Variants in TNXB observed in about 807,000 individuals in gnomAD.
TNXB encodes tenascin XB, also known as tenascin-X.
A neutral mutation model predicts 340.5 loss-of-function variants in TNXB; 183 were observed. That is an observed-to-expected ratio of 0.54 (90% CI 0.48 to 0.61). The LOEUF is 0.61. Among genes scored for constraint, TNXB ranks in the 20% least tolerant of loss-of-function variants. The probability of loss-of-function intolerance (pLI) is 0.00; values close to 1 mark genes in which losing one functional copy is unlikely to be tolerated. For synonymous variants in TNXB, 2,121 were observed against 2,314.5 expected, an observed-to-expected ratio of 0.92 and a Z score of 2.40; for missense variants, 4,613 against 5,446.4, an observed-to-expected ratio of 0.85 and a Z score of 4.82.
In TNXB at chr6:32,061,778, T is replaced by C; in HGVS notation, c.7169-58A>G. On this transcript the variant is annotated intron_variant, in intron 20 of 43. Coordinates refer to ENST00000644971, the MANE Select transcript of TNXB (RefSeq NM_001365276.2). The surrounding 1 kb of genome is among the most constrained non-coding windows in gnomAD (Gnocchi z 4.4). ...GTCCCTGGGGGATGTGCTTACGTCG[T>C]GGGGAAAAGGAGGGAGAAGGCTATG... The C allele has an allele frequency of 1.3e-6, 2 of 1,578,320 alleles. No homozygotes were observed. Among genetic ancestry groups the C allele is most frequent in the Non-Finnish European group, 1.7e-6 (2 of 1,159,522 alleles).
chr6:32,068,457 G>A lies in TNXB; in HGVS notation c.6153C>T (p.Tyr2051=). ...CGTGGAAGCCGTACAGGTTCATCTTGTATTTATGGTCTGGCTCCAGGCCCG... is the reference window on the plus strand; with the variant it reads ...CGTGGAAGCCGTACAGGTTCATCTTATATTTATGGTCTGGCTCCAGGCCCG... ...TISGLEPDHK[Y]KMNLYGFHGG... The change falls in exon 17 of 44, where the codon TAC becomes TAT. Residue 2051 remains tyrosine, a synonymous_variant. Coordinates refer to ENST00000644971, the MANE Select transcript of TNXB (RefSeq NM_001365276.2). This position sits in a 1 kb window ranked among gnomAD's most constrained non-coding sequence, Gnocchi z 5.3. 1 of 1,613,928 alleles carries A rather than the reference G, an allele frequency of 6.2e-7. No individual in the cohort carries two copies. Among genetic ancestry groups the A allele is most frequent in the East Asian group, 2.2e-5 (1 of 44,890 alleles).
At chr6:32,066,323 G>A (rs546087135) in intron 18 of TNXB, among the ~76,000 whole-genome samples, 1 of 152,308 alleles carries the variant, frequency 6.6e-6, no homozygotes, top group Non-Finnish European at 1.5e-5. Context: ...GAGCCCAGGA[G>A]TCTGGGGCTG....
Position 32,069,726 on chromosome 6 carries a change from G to A in TNXB, c.5414C>T (p.Ser1805Phe). Reference sequence around the variant, plus strand: ...CCTGTCTTTGTACTGGACCACAAAGGAGTCAAACTGGCCCTCAGGGACTGT... The same window carrying A: ...CCTGTCTTTGTACTGGACCACAAAGAAGTCAAACTGGCCCTCAGGGACTGT... Reference protein sequence around the residue: ...SWTVPEGQFDSFVVQYKDRDG... With the variant: ...SWTVPEGQFDFFVVQYKDRDG... The change falls in exon 15 of 44, where the codon TCC becomes TTC. Residue 1805 changes from serine (S) to phenylalanine (F), a missense_variant. Ser to Phe is a radical substitution (Grantham distance 155, BLOSUM62 -2). Transcript: ENST00000644971. The surrounding 1 kb of genome is among the most constrained non-coding windows in gnomAD (Gnocchi z 6.2). The A allele has an allele frequency of 6.2e-7, 1 of 1,613,118 alleles. No homozygotes were observed. The highest frequency in any genetic ancestry group is 1.1e-5 in the South Asian group (1 of 90,982).
chr6:32,061,529 C>G lies in TNXB; in HGVS notation c.7360G>C (p.Val2454Leu). Residue 2454 changes from valine to leucine, a missense_variant, in exon 21 of 44, where the codon GTG (valine) becomes CTG (leucine). Coordinates refer to ENST00000644971, the MANE Select transcript of TNXB (RefSeq NM_001365276.2). This position sits in a 1 kb window ranked among gnomAD's most constrained non-coding sequence, Gnocchi z 4.4. ...CTCTCCTCGCCCCCAACACGCACCA[C>G]CTGGGGCCGCCCGTCCCTGTCCTTG... ...QYKDRDGRPQ[V>L]VRVGGEESEV... The G allele has an allele frequency of 6.2e-7, 1 of 1,613,656 alleles. No homozygotes were observed. The highest frequency in any genetic ancestry group is 8.5e-7 in the Non-Finnish European group (1 of 1,179,892).
At position 32,096,949 on chromosome 6, in the gene TNXB, TG is replaced by T. The variant is rs1347621864; in HGVS notation, c.903del (p.Tyr301Ter). On this transcript the variant is annotated frameshift_variant, in exon 3 of 44. Transcript: ENST00000644971. LOFTEE classifies it high-confidence loss of function. ...ENGRCVCNPGYTGEDCGVRSC... is the reference protein window; with the variant it reads ...ENGRCVCNPGXTGEDCGVRSC... ...CTCCTCACCCCACAGTCCTCGCCAGTGTAGCCGGGGTTACACACGCAGCGCC... is the reference window on the plus strand; with the variant it reads ...CTCCTCACCCCACAGTCCTCGCCAGTTAGCCGGGGTTACACACGCAGCGCC... The T allele has an allele frequency of 6.2e-7, 1 of 1,611,102 alleles. No homozygotes were observed. Among genetic ancestry groups the T allele is most frequent in the Non-Finnish European group, 8.5e-7 (1 of 1,178,866 alleles).
rs1356847277 is a variant in TNXB, at chr6:32,046,645, C to T, written c.10325-189G>A. On this transcript the variant is annotated intron_variant, in intron 30 of 43. Transcript: ENST00000644971. This position sits in a 1 kb window ranked among gnomAD's most constrained non-coding sequence, Gnocchi z 6.9. ...AATGAGGGAGAACAGCCCCCTCCTCCTCTGGAGGCTGCTGCCCAAACTCCT... is the reference window on the plus strand; with the variant it reads ...AATGAGGGAGAACAGCCCCCTCCTCTTCTGGAGGCTGCTGCCCAAACTCCT... 7.9e-6 allele frequency: 4 copies of T among 503,628 alleles called. No individual in the cohort carries two copies. The highest frequency in any genetic ancestry group is 3.3e-5 in the Admixed American group (1 of 30,660). The allele number at this position is 503,628 out of a possible 1,614,324, so 31.2% of individuals were successfully genotyped here.
At chr6:32,041,499 C>G (rs1351096870) in intron 43 of TNXB, 49 bp from the exon 44 acceptor site, 1 of 1,230,960 alleles carries the variant, frequency 8.1e-7, no homozygotes, top group East Asian at 2.5e-5. Context: ...GTCCCATCTG[C>G]TCTTCCCGTT....
At chr6:32,071,183 GA>G (rs1778749638) in intron 13 of TNXB, among the ~76,000 whole-genome samples, 1 of 152,214 alleles carries the variant, frequency 6.6e-6, no homozygotes, top group South Asian at 2.1e-4. Context: ...TGAACCCTCG[GA>G]AAGGGGCACA....
chr6:32,071,166 C>T (rs186121962), intron 13 of TNXB, among the ~76,000 whole-genome samples: 1 of 152,298 alleles, frequency 6.6e-6, no homozygotes, highest in East Asian at 1.9e-4. Flanking sequence ...CAGGGGAGGG[C>T]TTGGACTGAA....
Position 32,085,991 on chromosome 6 carries a change from C to A in TNXB, c.2907G>T (p.Leu969=). ...RPQELGELRV[L]GRDETGRLRV... is the part of the protein sequence containing the mutation. ...GGAGGCGCCCTGTCTCATCTCTGCC[C>A]AGCACCCTCAACTCTCCCAGCTCCT... Residue 969 remains leucine, a synonymous_variant, in exon 7 of 44, where the codon CTG becomes CTT. Coordinates refer to ENST00000644971, the MANE Select transcript of TNXB (RefSeq NM_001365276.2). This position sits in a 1 kb window ranked among gnomAD's most constrained non-coding sequence, Gnocchi z 6.4. 6.2e-7 allele frequency: 1 copy of A among 1,607,334 alleles called. No homozygotes were observed. The highest frequency in any genetic ancestry group is 8.5e-7 in the Non-Finnish European group (1 of 1,178,524).
At position 32,097,034 on chromosome 6, in the gene TNXB, G is replaced by T; in HGVS notation, c.819C>A (p.Asp273Glu). 3 of 1,607,058 alleles carry T rather than the reference G, an allele frequency of 1.9e-6. No individual in the cohort carries two copies. Among genetic ancestry groups the T allele is most frequent in the East Asian group, 2.2e-5 (1 of 44,596 alleles). The change falls in exon 3 of 44, where the codon GAC becomes GAA. Residue 273 changes from aspartate (D) to glutamate (E), a missense_variant. Physicochemically the swap from Asp to Glu is conservative, Grantham distance 45 (BLOSUM62 2). Coordinates refer to ENST00000644971, the MANE Select transcript of TNXB (RefSeq NM_001365276.2). The surrounding 1 kb of genome is among the most constrained non-coding windows in gnomAD (Gnocchi z 5.9). The stretch of plus-strand genomic sequence containing the variant: ...GAGGGCAGCTCCTCATGCCACAGTC[G>T]TCACCAGTGTAGCCTGGGTCACACA... ...RCVCDPGYTG[D>E]DCGMRSCPRG...
In TNXB at chr6:32,067,124, A is replaced by AAGG. The variant is rs1562823039; in HGVS notation, c.6544+536_6544+537insCCT. Among the ~76,000 whole-genome samples the AAGG allele has an allele frequency of 3.5e-3, 465 of 131,796 alleles. 7 individuals are homozygous for AAGG. Among genetic ancestry groups the AAGG allele is most frequent in the African/African-American group, 0.013 (430 of 33,176 alleles). The allele number at this position is 131,796 out of a possible 152,430, so 86.5% of individuals were successfully genotyped here. Reference sequence around the variant, plus strand: ...AAGAAAGAAAGAAAGAGAAAGAAAGAAAGGAAGGAAGAAAGAAAGAAAGAA... The same window carrying AAGG: ...AAGAAAGAAAGAAAGAGAAAGAAAGAAGGAAGGAAGGAAGAAAGAAAGAAAGAA... On this transcript the variant is annotated intron_variant, in intron 18 of 43. Coordinates refer to ENST00000644971, the MANE Select transcript of TNXB (RefSeq NM_001365276.2). This position sits in a 1 kb window ranked among gnomAD's most constrained non-coding sequence, Gnocchi z 4.2.
In TNXB at chr6:32,069,635, G is replaced by T. The variant is rs746406257; in HGVS notation, c.5505C>A (p.Asp1835Glu). 6.2e-7 allele frequency: 1 copy of T among 1,612,814 alleles called. No individual in the cohort carries two copies. The highest frequency in any genetic ancestry group is 1.7e-5 in the Admixed American group (1 of 59,996). The change falls in exon 15 of 44, where the codon GAC becomes GAA. Residue 1835 changes from aspartate to glutamate, a missense_variant. Physicochemically the swap from Asp to Glu is conservative, Grantham distance 45. This residue lies in a region of TNXB where 4,327 missense variants were observed against 4,859.4 expected (regional missense o/e 0.89). Transcript: ENST00000644971. The surrounding 1 kb of genome is among the most constrained non-coding windows in gnomAD (Gnocchi z 6.2). ...GCAGCAGCTTGTACCTGTGGGCAGG[G>T]TCCAGGCCCGGCACGCTGACCTCCC... The part of the protein sequence containing the change: ...SLREVSVPGL[D>E]PAHRYKLLLY...
In TNXB at chr6:32,049,744, C is replaced by T. The variant is rs10046127; in HGVS notation, c.9440-157G>A. On this transcript the variant is annotated intron_variant, in intron 27 of 43. Coordinates refer to ENST00000644971, the MANE Select transcript of TNXB (RefSeq NM_001365276.2). The surrounding 1 kb of genome is among the most constrained non-coding windows in gnomAD (Gnocchi z 4.5). The stretch of plus-strand genomic sequence containing the variant: ...TCCTGCTCAGCTGACAGCTAACACA[C>T]GTAACAAGTTCCAGGGTCAGCTGTG... Among the ~76,000 whole-genome samples, 12,223 of 152,084 alleles carry T rather than the reference C, an allele frequency of 0.08. 696 individuals are homozygous for T. The highest frequency in any genetic ancestry group is 0.15 in the African/African-American group (6,365 of 41,390).
chr6:32,042,101 T>C lies in TNXB; in HGVS notation c.12380A>G (p.Glu4127Gly). 1.7e-6 allele frequency: 1 copy of C among 575,128 alleles called. No homozygotes were observed. The highest frequency in any genetic ancestry group is 3.0e-6 in the Non-Finnish European group (1 of 331,482). The allele number at this position is 575,128 out of a possible 1,614,324, so 35.6% of individuals were successfully genotyped here. A position where few individuals can be genotyped will look rare whatever the true frequency, so the allele number is the denominator to read the frequency against. ...GGAGTCGTACTGGGCGAACACAGCC[T>C]CGTCCCCAGCCCGCAGGTCCACGCG... ...SMRVDLRAGDEAVFAQYDSFH... is the reference protein window; with the variant it reads ...SMRVDLRAGDGAVFAQYDSFH... The change falls in exon 42 of 44, where the codon GAG becomes GGG. Residue 4127 changes from glutamate (E) to glycine (G), a missense_variant. Physicochemically the swap from Glu to Gly is moderately conservative, Grantham distance 98. Transcript: ENST00000644971.
Position 32,062,416 on chromosome 6 carries a change from C to T in TNXB, c.6909G>A (p.Lys2303=). 6.2e-7 allele frequency: 1 copy of T among 1,613,068 alleles called. No homozygotes were observed. The highest frequency in any genetic ancestry group is 1.1e-5 in the South Asian group (1 of 91,072). The change falls in exon 20 of 44, where the codon AAG becomes AAA. Residue 2303 remains lysine, a synonymous_variant. Transcript: ENST00000644971. This position sits in a 1 kb window ranked among gnomAD's most constrained non-coding sequence, Gnocchi z 4.3. ...TEPPTPEPPI[K]PRLEELTVTD... The stretch of plus-strand genomic sequence containing the variant: ...TCACGGTCAGCTCCTCCAGGCGAGG[C>T]TTGATGGGGGGTTCAGGGGTGGGAG...
In TNXB at chr6:32,051,051, C is replaced by T. The variant is rs1236541304; in HGVS notation, c.9116-730G>A. ...TATCTATTCACTGCAAAGGACACCC[C>T]ACTCAATCCTCAGTACTTCTCACAC... is the stretch of plus-strand genomic sequence containing the variant. On this transcript the variant is annotated intron_variant, in intron 26 of 43. Coordinates refer to ENST00000644971, the MANE Select transcript of TNXB (RefSeq NM_001365276.2). The surrounding 1 kb of genome is among the most constrained non-coding windows in gnomAD (Gnocchi z 4.7). Among the ~76,000 whole-genome samples the T allele has an allele frequency of 6.6e-6, 1 of 152,192 alleles. No individual in the cohort carries two copies. The highest frequency in any genetic ancestry group is 2.4e-5 in the African/African-American group (1 of 41,440).
rs149502087 is a variant in TNXB at position 32,098,086 on chromosome 6, C to T, written c.113G>A (p.Arg38Gln). 2,190 of 1,605,028 alleles carry T rather than the reference C, an allele frequency of 1.4e-3. 29 individuals are homozygous for T. In the African/African-American group the frequency reaches 0.025, roughly 18 times the overall value. Residue 38 changes from arginine to glutamine, a missense_variant, in exon 2 of 44, where the codon CGG becomes CAG. Arg to Gln is a conservative substitution (Grantham distance 43). Transcript: ENST00000644971. ...SRSNVTLPAPRPPPQPGGHTV... is the reference protein window; with the variant it reads ...SRSNVTLPAPQPPPQPGGHTV... Reference sequence around the variant, plus strand: ...GTGGCCCCCTGGCTGGGGAGGGGGCCGGGGGGCTGGCAGTGTCACATTGGA... The same window carrying T: ...GTGGCCCCCTGGCTGGGGAGGGGGCTGGGGGGCTGGCAGTGTCACATTGGA...
Position 32,067,691 on chromosome 6 carries a change from C to T in TNXB, c.6514G>A (p.Val2172Met), listed in dbSNP as rs766408404. Reference sequence around the variant, plus strand: ...ACGCCCACAGCAGACACTGGGCCCACGCGCCGCCCCTCGTGGAGGCCGTAC... The same window carrying T: ...ACGCCCACAGCAGACACTGGGCCCATGCGCCGCCCCTCGTGGAGGCCGTAC... Reference protein sequence around the residue: ...HLYGLHEGRRVGPVSAVGVTA... With the variant: ...HLYGLHEGRRMGPVSAVGVTA... Residue 2172 changes from valine to methionine, a missense_variant, in exon 18 of 44, where the codon GTG becomes ATG. By Grantham distance (21) the Val-to-Met change is conservative. Transcript: ENST00000644971. The surrounding 1 kb of genome is among the most constrained non-coding windows in gnomAD (Gnocchi z 4.2). 2.7e-5 allele frequency: 43 copies of T among 1,613,592 alleles called. No individual in the cohort carries two copies. The highest frequency in any genetic ancestry group is 3.3e-5 in the South Asian group (3 of 91,076).
Sources: allele counts gnomAD v4.1 joint callset (sites outside exome capture counted in the v4.1 genomes callset), GRCh38; gene constraint gnomAD v4.1.1; regional missense constraint gnomAD v4.1.1; non-coding constraint Gnocchi (gnomAD v3.1); transcripts MANE v1.5; gene names NCBI Gene and HGNC (gene_info 2026-07-23, HGNC 2026-07-21).